TACO1: variants seen among roughly 807,000 people sequenced by gnomAD.
TACO1 encodes translational activator of cytochrome c oxidase 1.
In TACO1, 13 loss-of-function variants were observed where a neutral mutation model predicts 24.0. The observed-to-expected ratio is 0.54, with a 90% CI of 0.35 to 0.86. The LOEUF is 0.86. Among genes scored for constraint, TACO1 ranks in the 40% least tolerant of loss-of-function variants. The pLI, the probability that TACO1 is intolerant of heterozygous loss-of-function variation, is 0.01. For missense variants in TACO1, 352 were observed against 380.1 expected (o/e 0.93, Z 0.61); for synonymous variants, 149 against 153.5 (o/e 0.97, Z 0.22).
At chr17:63,604,306 C>G (rs1006001047) in intron 1 of TACO1, among the ~76,000 whole-genome samples, 1 of 152,256 alleles carries the variant, frequency 6.6e-6, no homozygotes, top group East Asian at 1.9e-4. Flanking sequence ...CCACTGCACT[C>G]CAGCCAGCAA....
At position 63,600,983 on chromosome 17, in the gene TACO1, A is replaced by G; in HGVS notation, c.-101A>G. The G allele has an allele frequency of 7.2e-7, 1 of 1,388,826 alleles. No individual in the cohort carries two copies. 86.0% of individuals were successfully genotyped at this position (1,388,826 alleles called of 1,614,324 possible). Reference sequence around the variant, plus strand: ...AGCCTTTGGATCTCAGGTGACCGGCACAGGCGGCCGCGGGGTCCGGAACTG... The same window carrying G: ...AGCCTTTGGATCTCAGGTGACCGGCGCAGGCGGCCGCGGGGTCCGGAACTG... On this transcript the variant is annotated 5_prime_UTR_variant, in exon 1 of 5. Transcript: ENST00000258975.
chr17:63,600,980 G>C lies in TACO1; in HGVS notation c.-104G>C, dbSNP rs2033815205. On this transcript the variant is annotated 5_prime_UTR_variant, in exon 1 of 5. Transcript: ENST00000258975. ...CCAAGCCTTTGGATCTCAGGTGACC[G>C]GCACAGGCGGCCGCGGGGTCCGGAA... is the stretch of plus-strand genomic sequence containing the variant. The C allele has an allele frequency of 1.5e-5, 21 of 1,378,434 alleles. No individual in the cohort carries two copies. The highest frequency in any genetic ancestry group is 1.8e-5 in the Non-Finnish European group (18 of 1,010,044). The allele number at this position is 1,378,434 out of a possible 1,614,324, so 85.4% of individuals were successfully genotyped here.
Position 63,601,119 on chromosome 17 carries a change from C to G in TACO1, c.36C>G (p.Ala12=). ...SAWAAASLSR[A]AARCLLARGP... is the part of the protein sequence containing the mutation. ...GGGCTGCTGCCAGCCTAAGCAGGGC[C>G]GCTGCCCGATGCTTGCTGGCACGAG... Residue 12 remains alanine (A), a synonymous_variant, in exon 1 of 5, where the codon GCC becomes GCG. Transcript: ENST00000258975. The G allele has an allele frequency of 6.5e-7, 1 of 1,542,554 alleles. No individual in the cohort carries two copies.
In TACO1 at chr17:63,601,064, G is replaced by C; in HGVS notation, c.-20G>C. 1 of 1,538,676 alleles carries C rather than the reference G, an allele frequency of 6.5e-7. No individual in the cohort carries two copies. The highest frequency in any genetic ancestry group is 2.4e-5 in the East Asian group (1 of 40,854). On this transcript the variant is annotated 5_prime_UTR_variant, in exon 1 of 5. Coordinates refer to ENST00000258975, the MANE Select transcript of TACO1 (RefSeq NM_016360.4). ...CGTTGGCCGCTGCTGCTAGCAGCTT[G>C]AACCCCAGGGTCGGGACCGATGTCG...
At chr17:63,607,716 C>A in intron 4 of TACO1, 86 bp from the exon 5 acceptor site, 1 of 1,287,272 alleles carries the variant, frequency 7.8e-7, no homozygotes, top group Non-Finnish European at 1.1e-6. Context: ...CATTCCAGTA[C>A]TGACATTCAG....
intron 1 of TACO1, among the ~76,000 whole-genome samples, chr17:63,604,159 G>A (rs974479067): frequency 7.9e-5 from 12 of 151,994 alleles, no homozygotes; most frequent in African/African-American, 2.4e-4. Context: ...CCAACATGGC[G>A]AAACCTGGTC....
In TACO1 at chr17:63,600,969, C is replaced by G; in HGVS notation, c.-115C>G. 1 of 1,280,138 alleles carries G rather than the reference C, an allele frequency of 7.8e-7. No homozygotes were observed. The highest frequency in any genetic ancestry group is 1.3e-5 in the South Asian group (1 of 76,192). The allele number at this position is 1,280,138 out of a possible 1,614,324, so 79.3% of individuals were successfully genotyped here. On this transcript the variant is annotated 5_prime_UTR_variant, in exon 1 of 5. It adds an upstream start codon to the 5' untranslated region. Coordinates refer to ENST00000258975, the MANE Select transcript of TACO1 (RefSeq NM_016360.4). ...CCCGGGCGGGCCCAAGCCTTTGGAT[C>G]TCAGGTGACCGGCACAGGCGGCCGC...
Position 63,601,156 on chromosome 17 carries a change from A to G in TACO1, c.73A>G (p.Arg25Gly), listed in dbSNP as rs569941836. 8.4e-6 allele frequency: 13 copies of G among 1,544,794 alleles called. No individual in the cohort carries two copies. The East Asian group carries it at 2.9e-4, about 35-fold the overall frequency. ...CTTGCTGGCACGAGGCCCCGGGGTC[A>G]GGGCGGCTCCTCCGCGCGACCCCCG... is the stretch of plus-strand genomic sequence containing the variant. ...RCLLARGPGV[R>G]AAPPRDPRPS... The change falls in exon 1 of 5, where the codon AGG (arginine) becomes GGG (glycine). Residue 25 changes from arginine to glycine, a missense_variant. Physicochemically the swap from Arg to Gly is moderately radical, Grantham distance 125 (BLOSUM62 -2). Transcript: ENST00000258975.
Position 63,607,904 on chromosome 17 carries a change from G to A in TACO1, c.796G>A (p.Val266Met), listed in dbSNP as rs1189325576. 1.9e-6 allele frequency: 3 copies of A among 1,614,086 alleles called. No homozygotes were observed. Among genetic ancestry groups the A allele is most frequent in the Admixed American group, 3.3e-5 (2 of 59,996 alleles). ...ACTAGAGTTCATCCCCAACTCAAAG[G>A]TGCAGCTGGCTGAGCCCGACCTGGA... ...CALEFIPNSK[V>M]QLAEPDLEQA... Residue 266 changes from valine (V) to methionine (M), a missense_variant, in exon 5 of 5, where the codon GTG (valine) becomes ATG (methionine). Val to Met is a conservative substitution (Grantham distance 21). Coordinates refer to ENST00000258975, the MANE Select transcript of TACO1 (RefSeq NM_016360.4).
chr17:63,608,044 C>G lies in TACO1; in HGVS notation c.*42C>G. ...CCCGGGTTCCTTCCTAGAAATGTGG[C>G]AGCCCATTCCAGCACACAGGCTTCT... is the stretch of plus-strand genomic sequence containing the variant. On this transcript the variant is annotated 3_prime_UTR_variant, in exon 5 of 5. Transcript: ENST00000258975. 1.3e-6 allele frequency: 2 copies of G among 1,599,368 alleles called. No homozygotes were observed. The highest frequency in any genetic ancestry group is 1.7e-6 in the Non-Finnish European group (2 of 1,169,150).
chr17:63,607,728 A>G (rs1252867788), intron 4 of TACO1, 74 bp from the exon 5 acceptor site: 1 of 1,387,494 alleles, frequency 7.2e-7, no homozygotes, highest in African/African-American at 1.4e-5. Context: ...GACATTCAGG[A>G]CTTTGCAAGG....
chr17:63,600,941 C>T lies in TACO1; in HGVS notation c.-143C>T, dbSNP rs1430173507. On this transcript the variant is annotated 5_prime_UTR_variant, in exon 1 of 5. Transcript: ENST00000258975. ...AGTGTAGGGTCATTAGCTGTTGAGCCGCCCCGGGCGGGCCCAAGCCTTTGG... is the reference window on the plus strand; with the variant it reads ...AGTGTAGGGTCATTAGCTGTTGAGCTGCCCCGGGCGGGCCCAAGCCTTTGG... The T allele has an allele frequency of 3.2e-6, 3 of 951,038 alleles. No individual in the cohort carries two copies. The highest frequency in any genetic ancestry group is 2.3e-5 in the Admixed American group (1 of 43,308). The allele number at this position is 951,038 out of a possible 1,614,324, so 58.9% of individuals were successfully genotyped here.
intron 2 of TACO1, 64 bp downstream of exon 2, chr17:63,604,704 C>CGGT: frequency 7.2e-7 from 1 of 1,397,980 alleles, no homozygotes; most frequent in South Asian, 1.2e-5. Context: ...TCTGGATGGC[C>CGGT]AACAAACACA....
chr17:63,606,494 C>A lies in TACO1; in HGVS notation c.515+54C>A, dbSNP rs201718060. 6.8e-4 allele frequency: 1,088 copies of A among 1,607,706 alleles called. 14 individuals carry two copies. The South Asian group carries it at 0.012, about 17-fold the overall frequency. On this transcript the variant is annotated intron_variant, in intron 3 of 4. Coordinates refer to ENST00000258975, the MANE Select transcript of TACO1 (RefSeq NM_016360.4). The stretch of plus-strand genomic sequence containing the variant: ...GGGACAGAGCCTTTATGTTCCAATT[C>A]TCTGCAAGGCAAGTACTGTTGATCT...
In TACO1 at chr17:63,606,311, A is replaced by G; in HGVS notation, c.388-2A>G. The G allele has an allele frequency of 1.2e-6, 2 of 1,613,164 alleles. No individual in the cohort carries two copies. Among genetic ancestry groups the G allele is most frequent in the Non-Finnish European group, 1.7e-6 (2 of 1,180,038 alleles). ...AAAATGTGCTTGTGTTGTTTATTGC[A>G]GAAATCCAAGGACACTTATTTGCTG... On this transcript the variant is annotated splice_acceptor_variant, in intron 2 of 4. Transcript: ENST00000258975. LOFTEE classifies it high-confidence loss of function.
At chr17:63,602,988 C>T (rs1256426725) in intron 1 of TACO1, among the ~76,000 whole-genome samples, 1 of 152,168 alleles carries the variant, frequency 6.6e-6, no homozygotes, top group Non-Finnish European at 1.5e-5. Context: ...GTAATCTCAA[C>T]ACTTTGGGAG....
chr17:63,606,854 C>T (rs562156177), intron 3 of TACO1: 20 of 358,256 alleles, frequency 5.6e-5, no homozygotes, highest in Middle Eastern at 9.3e-4. Context: ...AGGTTTTAAG[C>T]ACACTTGCTC....
In TACO1 at chr17:63,603,369, G is replaced by A. The variant is rs533145638; in HGVS notation, c.281-1165G>A. Among the ~76,000 whole-genome samples the A allele has an allele frequency of 5.3e-5, 8 of 152,200 alleles. No homozygotes were observed. The South Asian group carries it at 8.3e-4, about 16-fold the overall frequency. ...CTTCATCTGACACAAAGTAGAGATC[G>A]CTGAAACCTAGCAGAATGAAAACCA... is the stretch of plus-strand genomic sequence containing the variant. On this transcript the variant is annotated intron_variant, in intron 1 of 4. Transcript: ENST00000258975.
In TACO1 at chr17:63,606,640, G is replaced by A. The variant is rs939679392; in HGVS notation, c.515+200G>A. The A allele has an allele frequency of 1.3e-5, 8 of 611,602 alleles. No homozygotes were observed. In the East Asian group the frequency reaches 1.5e-4, roughly 11 times the overall value. 37.9% of individuals were successfully genotyped at this position (611,602 alleles called of 1,614,324 possible). A position where few individuals can be genotyped will look rare whatever the true frequency, so the allele number is the denominator to read the frequency against. Reference sequence around the variant, plus strand: ...GGCTCACTGCAACCTCTGCTTTCTGGGTTCAAGTGATTCTCCTGCCTCAGC... The same window carrying A: ...GGCTCACTGCAACCTCTGCTTTCTGAGTTCAAGTGATTCTCCTGCCTCAGC... On this transcript the variant is annotated intron_variant, in intron 3 of 4. Transcript: ENST00000258975.
Sources: allele counts gnomAD v4.1 joint callset (sites outside exome capture counted in the v4.1 genomes callset), GRCh38; gene constraint gnomAD v4.1.1; transcripts MANE v1.5; gene names NCBI Gene and HGNC (gene_info 2026-07-23, HGNC 2026-07-21).